FRMPD3: variants seen among roughly 807,000 people sequenced by gnomAD.
The protein encoded by FRMPD3 is FERM and PDZ domain containing 3.
FRMPD3 carries 42 observed loss-of-function variants against 97.9 expected under a neutral mutation model. That is an observed-to-expected ratio of 0.43 (90% CI 0.34 to 0.55). The LOEUF (loss-of-function observed/expected upper bound fraction) is 0.55, where lower values mean the gene tolerates loss of function less well. Ranked by LOEUF, FRMPD3 falls within the 20% of genes least tolerant of loss-of-function variation. The pLI, the probability that FRMPD3 is intolerant of heterozygous loss-of-function variation, is 0.03. For synonymous variants in FRMPD3, 577 were observed against 581.1 expected, an observed-to-expected ratio of 0.99 and a Z score of 0.10; for missense variants, 1,303 against 1,457.7, an observed-to-expected ratio of 0.89 and a Z score of 1.73.
chrX:107,487,654 A>T (rs1921541226), intron 1 of FRMPD3, among the ~76,000 whole-genome samples: 1 of 111,502 alleles, frequency 9.0e-6, no homozygotes, highest in Non-Finnish European at 1.9e-5. Context: ...CTAAACTTCC[A>T]CTTGAATATT....
At chrX:107,598,240 C>G (rs1924313439) in intron 14 of FRMPD3, 98 bp downstream of exon 14, 2 of 741,171 alleles carry the variant, frequency 2.7e-6, no homozygotes, top group African/African-American at 4.2e-5. Flanking sequence ...GTCAGAGTCA[C>G]TGAGGTATGT....
intron 13 of FRMPD3, among the ~76,000 whole-genome samples, chrX:107,587,696 C>T (rs991809639): frequency 8.9e-6 from 1 of 112,080 alleles, no homozygotes; most frequent in Non-Finnish European, 1.9e-5. Context: ...TTTTATTTCT[C>T]CTTCACTTGT....
intron 1 of FRMPD3, among the ~76,000 whole-genome samples, chrX:107,504,455 C>G: frequency 8.9e-6 from 1 of 112,597 alleles, no homozygotes; most frequent in Non-Finnish European, 1.9e-5. Flanking sequence ...CTGGTTTTGT[C>G]TGGCAAGACC....
chrX:107,530,163 A>G (rs894163295), intron 2 of FRMPD3, among the ~76,000 whole-genome samples: 2 of 112,111 alleles, frequency 1.8e-5, no homozygotes, highest in Non-Finnish European at 3.8e-5. Context: ...TTGGCATGGA[A>G]CTAAAGGAGG....
intron 1 of FRMPD3, among the ~76,000 whole-genome samples, chrX:107,459,884 T>TACACACACACACACAC (rs67324661): frequency 5.6e-5 from 5 of 89,874 alleles, no homozygotes; most frequent in African/African-American, 1.6e-4. Flanking sequence ...CAAGCATACA[T>TACACACACACACACAC]ACACACACAC....
At chrX:107,586,076 CT>C in intron 13 of FRMPD3, among the ~76,000 whole-genome samples, 1 of 111,673 alleles carries the variant, frequency 9.0e-6, no homozygotes, top group South Asian at 3.7e-4. Context: ...TGGTCCTGGG[CT>C]TTTTTTGGTT....
intron 13 of FRMPD3, among the ~76,000 whole-genome samples, chrX:107,583,535 G>A (rs766706332): frequency 5.4e-5 from 6 of 112,060 alleles, no homozygotes; most frequent in Non-Finnish European, 1.1e-4. Context: ...TGTAAATAGT[G>A]CTACAATAAA....
intron 5 of FRMPD3, among the ~76,000 whole-genome samples, chrX:107,546,527 G>A (rs141721491): frequency 1.8e-3 from 202 of 112,449 alleles, no homozygotes; most frequent in African/African-American, 5.8e-3. Context: ...CTGCCAATTT[G>A]GGGAGTCTTG....
In FRMPD3 at chrX:107,600,759, G is replaced by C. The variant is rs1288807927; in HGVS notation, c.2720G>C (p.Arg907Thr). The C allele has an allele frequency of 1.1e-5, 13 of 1,205,857 alleles. No individual in the cohort carries two copies. In the East Asian group the frequency reaches 3.6e-4, roughly 33 times the overall value. The change falls in exon 15 of 15, where the codon AGG (arginine) becomes ACG (threonine). Residue 907 changes from arginine (R) to threonine (T), a missense_variant. Arg to Thr is a moderately conservative substitution (Grantham distance 71). Around this residue, in one of 3 missense-constraint regions of FRMPD3, gnomAD observed 764 missense variants for 820.2 expected, o/e 0.93. Coordinates refer to ENST00000683843, the MANE Select transcript of FRMPD3 (RefSeq NM_001388459.1). ...GAGGACAAAGGGCCTGGCCACACTA[G>C]GGCAGGCCTAGAAATGTCACTGAGG... ...VPEDKGPGHT[R>T]AGLEMSLRAA...
intron 1 of FRMPD3, among the ~76,000 whole-genome samples, chrX:107,469,273 G>A (rs1921002789): frequency 8.9e-6 from 1 of 112,046 alleles, no homozygotes; most frequent in African/African-American, 3.2e-5. Flanking sequence ...GGCTGGGGAG[G>A]CCTCACAATC....
chrX:107,570,153 A>G (rs1311391869), intron 12 of FRMPD3, among the ~76,000 whole-genome samples: 1 of 89,372 alleles, frequency 1.1e-5, no homozygotes, highest in Non-Finnish European at 2.1e-5. Flanking sequence ...AGGGAAGGAA[A>G]GGAAAGGAAG....
At chrX:107,517,640 A>C (rs1295590537) in intron 1 of FRMPD3, among the ~76,000 whole-genome samples, 1 of 109,628 alleles carries the variant, frequency 9.1e-6, no homozygotes, top group Non-Finnish European at 1.9e-5. Context: ...AGGTGCCTGT[A>C]ATCCCAGCTA....
chrX:107,480,753 C>T (rs1214915351), intron 1 of FRMPD3, among the ~76,000 whole-genome samples: 2 of 102,753 alleles, frequency 1.9e-5, no homozygotes, highest in Admixed American at 1.1e-4. Flanking sequence ...TGCTTGAACC[C>T]GGGGGGCGGA....
intron 1 of FRMPD3, among the ~76,000 whole-genome samples, chrX:107,475,031 G>A (rs1204306270): frequency 9.0e-6 from 1 of 111,543 alleles, no homozygotes; most frequent in African/African-American, 3.3e-5. Flanking sequence ...CTCCAACAGG[G>A]GGACCAGCTC....
At chrX:107,478,383 C>G (rs1489220857) in intron 1 of FRMPD3, among the ~76,000 whole-genome samples, 1 of 111,290 alleles carries the variant, frequency 9.0e-6, no homozygotes, top group African/African-American at 3.3e-5. Flanking sequence ...TCCAAGATAA[C>G]ACAGCTGACA....
chrX:107,600,765 G>T lies in FRMPD3; in HGVS notation c.2726G>T (p.Gly909Val). 8.3e-7 allele frequency: 1 copy of T among 1,206,266 alleles called. No homozygotes were observed. Among genetic ancestry groups the T allele is most frequent in the Non-Finnish European group, 1.1e-6 (1 of 893,171 alleles). ...EDKGPGHTRA[G>V]LEMSLRAATS... ...AAAGGGCCTGGCCACACTAGGGCAG[G>T]CCTAGAAATGTCACTGAGGGCAGCC... The change falls in exon 15 of 15, where the codon GGC becomes GTC. Residue 909 changes from glycine (G) to valine (V), a missense_variant. Transcript: ENST00000683843.
chrX:107,497,448 C>T (rs1921801623), intron 1 of FRMPD3, among the ~76,000 whole-genome samples: 1 of 112,400 alleles, frequency 8.9e-6, no homozygotes, highest in African/African-American at 3.2e-5. Flanking sequence ...ACTCCATTCT[C>T]ATTGCCCTGC....
chrX:107,573,968 G>A (rs1247729354), intron 12 of FRMPD3, among the ~76,000 whole-genome samples: 3 of 112,211 alleles, frequency 2.7e-5, no homozygotes, highest in African/African-American at 9.7e-5. Context: ...TAGCTAGGGC[G>A]AGGAGGTTGC....
At chrX:107,551,224 A>C (rs1921849510) in intron 6 of FRMPD3, among the ~76,000 whole-genome samples, 1 of 111,147 alleles carries the variant, frequency 9.0e-6, no homozygotes, top group African/African-American at 3.3e-5. Flanking sequence ...TTTTTTTGAA[A>C]GGCTTAGGCC....
Sources: gnomAD v4.1 joint callset for allele counts (sites outside exome capture counted in the v4.1 genomes callset) on GRCh38, gnomAD v4.1.1 for gene constraint, gnomAD v4.1.1 regional missense constraint, MANE v1.5 for transcripts, NCBI Gene and HGNC (gene_info 2026-07-23, HGNC 2026-07-21) for gene names.